Variants in PCDHAC1 observed in about 807,000 individuals in gnomAD.
PCDHAC1 encodes the protein protocadherin alpha-C1.
A neutral mutation model predicts 60.0 loss-of-function variants in PCDHAC1; 42 were observed. The ratio of observed to expected loss-of-function variants is 0.70; its 90% CI spans 0.55 to 0.90. The LOEUF (loss-of-function observed/expected upper bound fraction) is 0.90, where lower values mean the gene tolerates loss of function less well. PCDHAC1 is among the 40% of genes least tolerant of loss of function. PCDHAC1 has a pLI of 0.00. For synonymous variants in PCDHAC1, 468 were observed against 499.3 expected (o/e 0.94, Z 0.84); for missense variants, 1,160 against 1,222.3 (o/e 0.95, Z 0.76).
chr5:140,956,852 G>A (rs931766503), intron 1 of PCDHAC1, among the ~76,000 whole-genome samples: 1 of 152,062 alleles, frequency 6.6e-6, no homozygotes. Flanking sequence ...TGGGTTAAAT[G>A]GTTGAATGAA....
chr5:140,953,074 C>T (rs929530454), intron 1 of PCDHAC1, among the ~76,000 whole-genome samples: 1 of 152,204 alleles, frequency 6.6e-6, no homozygotes, highest in Non-Finnish European at 1.5e-5. Flanking sequence ...CCATCTCCAA[C>T]ATTGGGGATT....
rs555057115 is a variant in PCDHAC1 at position 140,926,320 on chromosome 5, C to T, written c.-573C>T. The T allele has an allele frequency of 6.6e-6, 1 of 152,240 alleles. No homozygotes were observed. The highest frequency in any genetic ancestry group is 1.5e-5 in the Non-Finnish European group (1 of 68,090). The allele number at this position is 152,240 out of a possible 1,614,324, so 9.4% of individuals were successfully genotyped here. A position where few individuals can be genotyped will look rare whatever the true frequency, so the allele number is the denominator to read the frequency against. ...CGCCCTCTCCGCCGGAGAGGTGCGC[C>T]GGGGTCAGAGCGCCGGGACCCGACG... On this transcript the variant is annotated 5_prime_UTR_variant, in exon 1 of 4. Coordinates refer to ENST00000253807, the MANE Select transcript of PCDHAC1 (RefSeq NM_018898.5).
chr5:140,952,813 G>A (rs1162015418), intron 1 of PCDHAC1, among the ~76,000 whole-genome samples: 1 of 152,158 alleles, frequency 6.6e-6, no homozygotes, highest in African/African-American at 2.4e-5. Context: ...TCTGCAGGCT[G>A]TACAGGAAGC....
intron 3 of PCDHAC1, among the ~76,000 whole-genome samples, chr5:140,988,428 G>A (rs1186229744): frequency 6.6e-6 from 1 of 152,160 alleles, no homozygotes; most frequent in Non-Finnish European, 1.5e-5. Context: ...GAATTTGTTT[G>A]TTTTGGATTG....
intron 3 of PCDHAC1, among the ~76,000 whole-genome samples, chr5:140,985,392 C>T (rs1329580146): frequency 6.6e-6 from 1 of 152,172 alleles, no homozygotes; most frequent in Non-Finnish European, 1.5e-5. Context: ...CCAGTCACCC[C>T]AACTGTTCCC....
intron 1 of PCDHAC1, chr5:140,968,611 G>A: frequency 6.2e-7 from 1 of 1,614,194 alleles, no homozygotes; most frequent in African/African-American, 1.3e-5. Flanking sequence ...CAGACTCTGG[G>A]CAAAATGCTT....
intron 3 of PCDHAC1, among the ~76,000 whole-genome samples, chr5:140,988,509 TA>T (rs2097301045): frequency 6.6e-6 from 1 of 152,170 alleles, no homozygotes; most frequent in Non-Finnish European, 1.5e-5. Flanking sequence ...CCATGAAGCT[TA>T]CTTAAGTCTC....
intron 3 of PCDHAC1, among the ~76,000 whole-genome samples, chr5:140,995,186 A>T (rs2097669011): frequency 6.6e-6 from 1 of 152,132 alleles, no homozygotes; most frequent in Non-Finnish European, 1.5e-5. Flanking sequence ...ACCTATGATA[A>T]AGTTTAATTT....
At chr5:140,952,960 T>C (rs1195156838) in intron 1 of PCDHAC1, among the ~76,000 whole-genome samples, 3 of 151,932 alleles carry the variant, frequency 2.0e-5, no homozygotes, top group Non-Finnish European at 4.4e-5. Flanking sequence ...GGGGAAGTGA[T>C]ACACACTTTT....
chr5:140,992,807 C>T (rs781970284), intron 3 of PCDHAC1, among the ~76,000 whole-genome samples: 2 of 152,226 alleles, frequency 1.3e-5, no homozygotes, highest in African/African-American at 4.8e-5. Flanking sequence ...CCATATGTAT[C>T]TAAGGATGTG....
chr5:140,932,493 T>C (rs148938081), intron 1 of PCDHAC1, among the ~76,000 whole-genome samples: 1 of 151,888 alleles, frequency 6.6e-6, no homozygotes, highest in Non-Finnish European at 1.5e-5. Flanking sequence ...CTTTGCAATG[T>C]CATTTGTTAA....
chr5:140,965,493 C>A (rs1214376252), intron 1 of PCDHAC1, among the ~76,000 whole-genome samples: 1 of 147,046 alleles, frequency 6.8e-6, no homozygotes, highest in African/African-American at 2.5e-5. Flanking sequence ...TTAATGACAG[C>A]AGATTTTTTT....
At chr5:140,982,650 CTCTTTT>C (rs2096993978) in intron 3 of PCDHAC1, 87 bp downstream of exon 3, 1 of 1,507,000 alleles carries the variant, frequency 6.6e-7, no homozygotes, top group South Asian at 1.3e-5. Context: ...ATGTTGATGG[CTCTTTT>C]TCTTTTATAT....
At position 140,928,737 on chromosome 5, in the gene PCDHAC1, A is replaced by G. The variant is rs140056024; in HGVS notation, c.1845A>G (p.Ile615Met). The change falls in exon 1 of 4, where the codon ATA becomes ATG. Residue 615 changes from isoleucine (I) to methionine (M), a missense_variant. Physicochemically the swap from Ile to Met is conservative, Grantham distance 10. Coordinates refer to ENST00000253807, the MANE Select transcript of PCDHAC1 (RefSeq NM_018898.5). ...GTCTCTTTAGAATTTCAGCCAATAT[A>G]GGTGAGCTCCGTACTGCTCGCTTAG... is the stretch of plus-strand genomic sequence containing the variant. ...DSSLFRISAN[I>M]GELRTARLVL... 5.6e-6 allele frequency: 9 copies of G among 1,614,000 alleles called. No homozygotes were observed. In the African/African-American group the frequency reaches 8.0e-5, roughly 14 times the overall value.
intron 1 of PCDHAC1, among the ~76,000 whole-genome samples, chr5:140,946,629 T>TATATATATATATATATATATATATATAC (rs1367833800): frequency 2.4e-5 from 3 of 123,274 alleles, no homozygotes; most frequent in Non-Finnish European, 3.6e-5. Context: ...TATATATATA[T>TATATATATATATATATATATATATATAC]ATACAATGGA....
chr5:141,010,396 C>A lies in PCDHAC1; in HGVS notation c.*459C>A. 7.5e-7 allele frequency: 1 copy of A among 1,337,260 alleles called. No individual in the cohort carries two copies. Among genetic ancestry groups the A allele is most frequent in the Non-Finnish European group, 1.0e-6 (1 of 999,990 alleles). 82.8% of individuals were successfully genotyped at this position (1,337,260 alleles called of 1,614,324 possible). On this transcript the variant is annotated 3_prime_UTR_variant, in exon 4 of 4. Coordinates refer to ENST00000253807, the MANE Select transcript of PCDHAC1 (RefSeq NM_018898.5). ...GTGCCAGATATTGGCTGAGACGAGC[C>A]AGCTTAGACTAATTGGTACAAGGAA...
At chr5:140,977,256 C>T (rs1304967733) in intron 1 of PCDHAC1, among the ~76,000 whole-genome samples, 1 of 152,164 alleles carries the variant, frequency 6.6e-6, no homozygotes, top group Non-Finnish European at 1.5e-5. Flanking sequence ...CATTTCTCAG[C>T]AGATGTTACA....
At chr5:140,952,513 A>T (rs533436826) in intron 1 of PCDHAC1, among the ~76,000 whole-genome samples, 7 of 152,028 alleles carry the variant, frequency 4.6e-5, no homozygotes, top group Non-Finnish European at 8.8e-5. Context: ...CCTCATCTCC[A>T]TCTGAGACCT....
At position 140,928,990 on chromosome 5, in the gene PCDHAC1, C is replaced by CT; in HGVS notation, c.2102dup (p.Phe702LeufsTer29). On this transcript the variant is annotated frameshift_variant, in exon 1 of 4. Transcript: ENST00000253807. LOFTEE classifies it high-confidence loss of function. The stretch of plus-strand genomic sequence containing the variant: ...TTCCTTTTTATTTCTGGGGTGCTTA[C>CT]TTTTCTTCGTGTGTACCAAGTTGCA... 2 of 1,613,884 alleles carry CT rather than the reference C, an allele frequency of 1.2e-6. No individual in the cohort carries two copies. Among genetic ancestry groups the CT allele is most frequent in the African/African-American group, 1.3e-5 (1 of 74,988 alleles).
Sources: allele counts gnomAD v4.1 joint callset (sites outside exome capture counted in the v4.1 genomes callset), GRCh38; gene constraint gnomAD v4.1.1; transcripts MANE v1.5; gene names NCBI Gene and HGNC (gene_info 2026-07-23, HGNC 2026-07-21).